PDS5B: variants seen among roughly 807,000 people sequenced by gnomAD.
PDS5B encodes sister chromatid cohesion protein PDS5 homolog B.
A neutral mutation model predicts 184.1 loss-of-function variants in PDS5B; 51 were observed. That is an observed-to-expected ratio of 0.28 (90% CI 0.22 to 0.35). PDS5B has a LOEUF of 0.35. Ranked by LOEUF, PDS5B falls within the 10% of genes least tolerant of loss-of-function variation. The probability of loss-of-function intolerance (pLI) is 1.00; values close to 1 mark genes in which losing one functional copy is unlikely to be tolerated. For missense variants in PDS5B, 1,180 were observed against 1,723.3 expected, an observed-to-expected ratio of 0.68 and a Z score of 5.58; for synonymous variants, 566 against 569.2, an observed-to-expected ratio of 0.99 and a Z score of 0.08.
chr13:32,721,850 A>G (rs1239980780), intron 19 of PDS5B, among the ~76,000 whole-genome samples: 1 of 149,790 alleles, frequency 6.7e-6, no homozygotes, highest in Non-Finnish European at 1.5e-5. Context: ...ACGGCTGGGA[A>G]GAGGCGCTCC....
chr13:32,672,277 A>G (rs1343755206), intron 7 of PDS5B, among the ~76,000 whole-genome samples: 1 of 149,446 alleles, frequency 6.7e-6, no homozygotes, highest in Non-Finnish European at 1.5e-5. Flanking sequence ...GTTTTCTTCC[A>G]TATGTACTAA....
chr13:32,595,681 C>T (rs1300878340), intron 1 of PDS5B, among the ~76,000 whole-genome samples: 1 of 152,150 alleles, frequency 6.6e-6, no homozygotes, highest in East Asian at 1.9e-4. Flanking sequence ...ACTTTGGACA[C>T]GTGAATAAAC....
rs531281981 is a variant in PDS5B, at chr13:32,683,964, A to G, written c.1144A>G (p.Ile382Val). 1.3e-6 allele frequency: 2 copies of G among 1,592,134 alleles called. No homozygotes were observed. The highest frequency in any genetic ancestry group is 1.3e-5 in the African/African-American group (1 of 74,600). Residue 382 changes from isoleucine (I) to valine (V), a missense_variant, in exon 11 of 35, where the codon ATT becomes GTT. Ile to Val is a conservative substitution (Grantham distance 29). This residue lies in a region of PDS5B where 475 missense variants were observed against 691.5 expected (regional missense o/e 0.69). Coordinates refer to ENST00000315596, the MANE Select transcript of PDS5B (RefSeq NM_015032.4). ...VSIVTAAKKD[I>V]LLVNDHLLNF... ...AATAGTTACAGCTGCTAAAAAGGAT[A>G]TTCTTCTGGTCAATGATCACTTACT...
At chr13:32,730,584 A>G (rs897329982) in intron 19 of PDS5B, among the ~76,000 whole-genome samples, 1 of 152,094 alleles carries the variant, frequency 6.6e-6, no homozygotes, top group African/African-American at 2.4e-5. Context: ...ATGAGCATGG[A>G]ATGTTTTTCC....
At chr13:32,740,912 T>C (rs1953518662) in intron 21 of PDS5B, among the ~76,000 whole-genome samples, 168 bp from the exon 22 acceptor site, 1 of 135,934 alleles carries the variant, frequency 7.4e-6, no homozygotes. Context: ...CCTTTCAACC[T>C]TTTTTTTTTT....
chr13:32,713,405 ATAAGCAATACTTAAATAACTG>A lies in PDS5B; in HGVS notation c.2123+3301_2123+3321del. On this transcript the variant is annotated intron_variant, in intron 19 of 34. Transcript: ENST00000315596. ...ATATCTTAGCATTCCAAAGTAACTG[ATAAGCAATACTTAAATAACTG>A]TCTTAGTTATTTAAGCTGCCAAGGA... Among the ~76,000 whole-genome samples, 3 of 152,370 alleles carry A rather than the reference ATAAGCAATACTTAAATAACTG, an allele frequency of 2.0e-5. No individual in the cohort carries two copies. In the East Asian group the frequency reaches 5.8e-4, roughly 29 times the overall value.
At chr13:32,633,046 C>G (rs2058482426) in intron 1 of PDS5B, among the ~76,000 whole-genome samples, 1 of 152,150 alleles carries the variant, frequency 6.6e-6, no homozygotes, top group Non-Finnish European at 1.5e-5. Context: ...TGAAAATACA[C>G]TCAGTGAAAT....
chr13:32,712,518 C>T (rs1055718100), intron 19 of PDS5B, among the ~76,000 whole-genome samples: 1 of 151,860 alleles, frequency 6.6e-6, no homozygotes, highest in African/African-American at 2.4e-5. Flanking sequence ...ACTGTCTTCC[C>T]TTGAATTCAT....
chr13:32,605,428 T>C (rs2058045199), intron 1 of PDS5B, among the ~76,000 whole-genome samples: 1 of 152,260 alleles, frequency 6.6e-6, no homozygotes, highest in Non-Finnish European at 1.5e-5. Flanking sequence ...TGCACTGTGC[T>C]CTGAGAGACA....
Position 32,675,890 on chromosome 13 carries a change from A to C in PDS5B, c.893A>C (p.Lys298Thr). The part of the protein sequence containing the change: ...ERLQVVKLLA[K>T]MFGAKDSELA... ...CTACAAGTTGTTAAACTACTGGCAA[A>C]AATGTTTGGGGCAAAGGATTCAGAA... Residue 298 changes from lysine to threonine, a missense_variant, in exon 9 of 35, where the codon AAA (lysine) becomes ACA (threonine). This residue lies in a region of PDS5B where 475 missense variants were observed against 691.5 expected (regional missense o/e 0.69). Coordinates refer to ENST00000315596, the MANE Select transcript of PDS5B (RefSeq NM_015032.4). 6.2e-7 allele frequency: 1 copy of C among 1,613,842 alleles called. No homozygotes were observed. Among genetic ancestry groups the C allele is most frequent in the South Asian group, 1.1e-5 (1 of 91,070 alleles).
At chr13:32,739,489 AT>A (rs1273944426) in intron 21 of PDS5B, among the ~76,000 whole-genome samples, 1 of 152,158 alleles carries the variant, frequency 6.6e-6, no homozygotes. Flanking sequence ...GGTAATTCTG[AT>A]TTTATATCCA....
At chr13:32,589,753 G>A (rs368901033) in intron 1 of PDS5B, among the ~76,000 whole-genome samples, 9 of 152,028 alleles carry the variant, frequency 5.9e-5, no homozygotes, top group African/African-American at 2.2e-4. Context: ...AAAATACTTA[G>A]TTTAAAAACA....
At chr13:32,701,473 G>T in intron 17 of PDS5B, 35 bp downstream of exon 17, 1 of 1,226,194 alleles carries the variant, frequency 8.2e-7, no homozygotes, top group African/African-American at 1.5e-5. Context: ...TCTCATTGCT[G>T]TTCATTAATG....
chr13:32,771,109 C>G (rs1954770218), intron 33 of PDS5B: 2 of 179,554 alleles, frequency 1.1e-5, no homozygotes, highest in Non-Finnish European at 2.3e-5. Context: ...AAATGTTTCT[C>G]ATTAGCACCT....
intron 1 of PDS5B, among the ~76,000 whole-genome samples, chr13:32,642,873 G>A (rs1021663951): frequency 1.3e-5 from 2 of 152,010 alleles, no homozygotes; most frequent in African/African-American, 4.8e-5. Flanking sequence ...GTTTATTTCT[G>A]TTAGGATAAT....
intron 19 of PDS5B, among the ~76,000 whole-genome samples, chr13:32,728,929 C>A (rs2140943947): frequency 6.6e-6 from 1 of 152,194 alleles, no homozygotes; most frequent in East Asian, 1.9e-4. Flanking sequence ...TATATGTCTT[C>A]TTTTTTAAAA....
chr13:32,712,506 A>G (rs1158753596), intron 19 of PDS5B, among the ~76,000 whole-genome samples: 1 of 152,014 alleles, frequency 6.6e-6, no homozygotes, highest in Non-Finnish European at 1.5e-5. Flanking sequence ...AATGTTGATT[A>G]AACTGTCTTC....
rs138763812 is a variant in PDS5B, at chr13:32,728,938, A to G, written c.2124-3163A>G. Among the ~76,000 whole-genome samples the G allele has an allele frequency of 4.0e-3, 608 of 152,242 alleles. 5 individuals carry two copies. The highest frequency in any genetic ancestry group is 0.014 in the African/African-American group (582 of 41,536). The stretch of plus-strand genomic sequence containing the variant: ...GTAATTTATATGTCTTCTTTTTTAA[A>G]AAAATTAAACGTTGAGTTCTGAGAT... On this transcript the variant is annotated intron_variant, in intron 19 of 34. Transcript: ENST00000315596.
At chr13:32,642,165 T>A (rs1448882743) in intron 1 of PDS5B, among the ~76,000 whole-genome samples, 1 of 152,218 alleles carries the variant, frequency 6.6e-6, no homozygotes, top group Non-Finnish European at 1.5e-5. Context: ...TTGCAGTAGT[T>A]TTCTAACTTG....
Sources: allele counts gnomAD v4.1 joint callset (sites outside exome capture counted in the v4.1 genomes callset), GRCh38; gene constraint gnomAD v4.1.1; regional missense constraint gnomAD v4.1.1; transcripts MANE v1.5; gene names NCBI Gene and HGNC (gene_info 2026-07-23, HGNC 2026-07-21).